COL5A1: variants seen among roughly 807,000 people sequenced by gnomAD.
The protein encoded by COL5A1 is collagen alpha-1(V) chain.
Under a neutral mutation model 263.7 loss-of-function variants are expected in COL5A1, and 16 were observed. The ratio of observed to expected loss-of-function variants is 0.06; its 90% CI spans 0.04 to 0.09. COL5A1 has a LOEUF of 0.09. Among genes scored for constraint, COL5A1 ranks in the 10% least tolerant of loss-of-function variants. The probability of loss-of-function intolerance (pLI) is 1.00; values close to 1 mark genes in which losing one functional copy is unlikely to be tolerated. For missense variants in COL5A1, 2,036 were observed against 2,540.5 expected, an observed-to-expected ratio of 0.80 and a Z score of 4.27; for synonymous variants, 1,012 against 1,004.5, an observed-to-expected ratio of 1.01 and a Z score of -0.14.
In COL5A1 at chr9:134,780,050, A is replaced by G. The variant is rs373340441; in HGVS notation, c.2386-52A>G. ...CTTGACACGCCTGCGACAGCTCTAG[A>G]AAGGCTGAGACTTGTAACCATTCAC... is the stretch of plus-strand genomic sequence containing the variant. On this transcript the variant is annotated intron_variant, in intron 27 of 65. Coordinates refer to ENST00000371817, the MANE Select transcript of COL5A1 (RefSeq NM_000093.5). 4.4e-6 allele frequency: 7 copies of G among 1,607,170 alleles called. No homozygotes were observed. In the African/African-American group the frequency reaches 8.0e-5, roughly 18 times the overall value.
Position 134,841,529 on chromosome 9 carries a change from T to C in COL5A1, c.5371-628T>C, listed in dbSNP as rs57128334. 6.6e-6 allele frequency among the ~76,000 whole-genome samples: 1 copy of C among 152,228 alleles called. No individual in the cohort carries two copies. Among genetic ancestry groups the C allele is most frequent in the East Asian group, 1.9e-4 (1 of 5,166 alleles). On this transcript the variant is annotated intron_variant, in intron 65 of 65. Transcript: ENST00000371817. The surrounding 1 kb of genome is among the most constrained non-coding windows in gnomAD (Gnocchi z 4.8). ...CAGGTTCATTGCACTACCCCTGCCC[T>C]CTGTGCCTCAGTTTACCTAAGACTC...
chr9:134,812,757 GGA>G lies in COL5A1; in HGVS notation c.3852+47_3852+48del, dbSNP rs761727852. ...TGGTGGCAGATTTGCGGTTGTTTGA[GGA>G]GTGTGTGTGTGTGTCTGTGTGTGTG... is the stretch of plus-strand genomic sequence containing the variant. On this transcript the variant is annotated intron_variant, in intron 48 of 65. Coordinates refer to ENST00000371817, the MANE Select transcript of COL5A1 (RefSeq NM_000093.5). 115,151 of 1,284,246 alleles carry G rather than the reference GGA, an allele frequency of 0.09. 5,977 individuals carry two copies. Among genetic ancestry groups the G allele is most frequent in the African/African-American group, 0.18 (11,587 of 63,122 alleles). The allele number at this position is 1,284,246 out of a possible 1,614,324, so 79.6% of individuals were successfully genotyped here.
chr9:134,718,206 C>A (rs1834338632), intron 4 of COL5A1, among the ~76,000 whole-genome samples: 1 of 152,228 alleles, frequency 6.6e-6, no homozygotes, highest in Non-Finnish European at 1.5e-5. Context: ...CTGCCAGAGC[C>A]AAGGACAACA....
At position 134,842,132 on chromosome 9, in the gene COL5A1, G is replaced by A. The variant is rs369344741; in HGVS notation, c.5371-25G>A. The A allele has an allele frequency of 1.3e-5, 21 of 1,613,852 alleles. No individual in the cohort carries two copies. Among genetic ancestry groups the A allele is most frequent in the East Asian group, 6.7e-5 (3 of 44,878 alleles). ...AGACCCCCAACTGTTCTTAACCACC[G>A]GCCATCTGTCTCCCTCTTCCCCAGA... On this transcript the variant is annotated intron_variant, in intron 65 of 65. Transcript: ENST00000371817. The surrounding 1 kb of genome is among the most constrained non-coding windows in gnomAD (Gnocchi z 5.8).
chr9:134,798,486 C>T (rs530777170), intron 37 of COL5A1, 25 bp downstream of exon 37: 132 of 1,612,726 alleles, frequency 8.2e-5, no homozygotes, highest in Admixed American at 4.5e-4. Flanking sequence ...TGCTGGGGGA[C>T]GTGGCTGGCT....
chr9:134,824,884 C>T, intron 62 of COL5A1, 29 bp downstream of exon 62: 2 of 1,595,174 alleles, frequency 1.3e-6, no homozygotes, highest in Non-Finnish European at 1.7e-6. Flanking sequence ...AGGGGTGGCC[C>T]CCCAAAGCGG....
intron 61 of COL5A1, among the ~76,000 whole-genome samples, 184 bp from the exon 62 acceptor site, chr9:134,824,416 G>C (rs1309478515): frequency 2.0e-5 from 3 of 152,242 alleles, no homozygotes; most frequent in Non-Finnish European, 4.4e-5. Context: ...GATGGGTGTG[G>C]AATGTTCCAG....
chr9:134,715,355 C>T (rs1398482844), intron 4 of COL5A1, among the ~76,000 whole-genome samples: 1 of 152,164 alleles, frequency 6.6e-6, no homozygotes, highest in Admixed American at 6.5e-5. Context: ...ATATACAATC[C>T]GGTTTTACAC....
At position 134,699,986 on chromosome 9, in the gene COL5A1, A is replaced by G. The variant is rs955116478; in HGVS notation, c.355A>G (p.Ile119Val). The change falls in exon 3 of 66, where the codon ATC becomes GTC. Residue 119 changes from isoleucine to valine, a missense_variant. By Grantham distance (29) the Ile-to-Val change is conservative. Around this residue, in one of 3 missense-constraint regions of COL5A1, gnomAD observed 600 missense variants for 634.5 expected, o/e 0.95. Coordinates refer to ENST00000371817, the MANE Select transcript of COL5A1 (RefSeq NM_000093.5). ...AGGCAGCCAGGCCTTCCTGGTCTCC[A>G]TCTACAACGAGCAGGGTATCCAGCA... ...KKGSQAFLVSIYNEQGIQQIG... is the reference protein window; with the variant it reads ...KKGSQAFLVSVYNEQGIQQIG... The G allele has an allele frequency of 6.2e-7, 1 of 1,613,736 alleles. No homozygotes were observed. The highest frequency in any genetic ancestry group is 8.5e-7 in the Non-Finnish European group (1 of 1,180,032).
chr9:134,694,385 T>C (rs1833388754), intron 2 of COL5A1, among the ~76,000 whole-genome samples: 1 of 152,198 alleles, frequency 6.6e-6, no homozygotes, highest in Non-Finnish European at 1.5e-5. Flanking sequence ...GGGCACGAAC[T>C]GGCAGAGTGA....
chr9:134,662,897 C>T (rs769554831), intron 1 of COL5A1, among the ~76,000 whole-genome samples: 33 of 152,346 alleles, frequency 2.2e-4, no homozygotes, highest in Admixed American at 3.3e-4. Context: ...ATAGTAGAAC[C>T]TCATCTGCCT....
At chr9:134,769,892 T>G (rs976988821) in intron 25 of COL5A1, among the ~76,000 whole-genome samples, 4 of 152,102 alleles carry the variant, frequency 2.6e-5, no homozygotes, top group Non-Finnish European at 4.4e-5. Flanking sequence ...GATCATTCTC[T>G]CGGCCCTCAG....
chr9:134,775,569 G>C (rs1199114532), intron 27 of COL5A1, among the ~76,000 whole-genome samples: 1 of 152,232 alleles, frequency 6.6e-6, no homozygotes, highest in Non-Finnish European at 1.5e-5. Flanking sequence ...TTTGCTCTGA[G>C]CTGGGTAATG....
At chr9:134,735,466 T>A (rs1835064515) in intron 9 of COL5A1, among the ~76,000 whole-genome samples, 1 of 142,472 alleles carries the variant, frequency 7.0e-6, no homozygotes, top group South Asian at 2.5e-4. Flanking sequence ...GTGGCGTCCG[T>A]GGTTGGGTGG....
chr9:134,782,732 A>G lies in COL5A1; in HGVS notation c.2484+12A>G, dbSNP rs190376083. On this transcript the variant is annotated intron_variant, in intron 29 of 65. Transcript: ENST00000371817. ...TCAAGGGTGATCGGGTGAGCATCTC[A>G]GGTTTGGGATTTGGGCTGGGGAAAG... 11 of 1,462,478 alleles carry G rather than the reference A, an allele frequency of 7.5e-6. No individual in the cohort carries two copies. In the Admixed American group the frequency reaches 2.0e-4, roughly 26 times the overall value. 90.6% of individuals were successfully genotyped at this position (1,462,478 alleles called of 1,614,324 possible). A position where few individuals can be genotyped will look rare whatever the true frequency, so the allele number is the denominator to read the frequency against.
chr9:134,682,373 G>A lies in COL5A1; in HGVS notation c.110-8539G>A, dbSNP rs953807569. ...TTCCTTTAGCCACCACAGCGGGCAT[G>A]GGGAGGGGACTGTGCGGGTGAACAT... is the stretch of plus-strand genomic sequence containing the variant. On this transcript the variant is annotated intron_variant, in intron 1 of 65. Coordinates refer to ENST00000371817, the MANE Select transcript of COL5A1 (RefSeq NM_000093.5). This position sits in a 1 kb window ranked among gnomAD's most constrained non-coding sequence, Gnocchi z 5.1. Among the ~76,000 whole-genome samples the A allele has an allele frequency of 6.6e-6, 1 of 152,218 alleles. No homozygotes were observed. Among genetic ancestry groups the A allele is most frequent in the African/African-American group, 2.4e-5 (1 of 41,452 alleles).
chr9:134,676,749 G>GGTTTGTTC lies in COL5A1; in HGVS notation c.110-14162_110-14155dup, dbSNP rs778570570. ...ATTGTTCACTTATTGTCCCTTAGTTGGTTTGTTCATTTGTTCCTTCATTTG... is the reference window on the plus strand; with the variant it reads ...ATTGTTCACTTATTGTCCCTTAGTTGGTTTGTTCGTTTGTTCATTTGTTCCTTCATTTG... On this transcript the variant is annotated intron_variant, in intron 1 of 65. Coordinates refer to ENST00000371817, the MANE Select transcript of COL5A1 (RefSeq NM_000093.5). Among the ~76,000 whole-genome samples, 13 of 152,328 alleles carry GGTTTGTTC rather than the reference G, an allele frequency of 8.5e-5. No homozygotes were observed. In the South Asian group the frequency reaches 1.7e-3, roughly 19 times the overall value.
At chr9:134,806,075 C>T in intron 41 of COL5A1, 114 bp from the exon 42 acceptor site, 1 of 786,738 alleles carries the variant, frequency 1.3e-6, no homozygotes, top group East Asian at 2.7e-5. Flanking sequence ...CATAGGGAGC[C>T]ACTGTGGGCT....
rs752893571 is a variant in COL5A1 at position 134,820,100 on chromosome 9, C to T, written c.4447-16C>T. 4 of 1,607,400 alleles carry T rather than the reference C, an allele frequency of 2.5e-6. No homozygotes were observed. The highest frequency in any genetic ancestry group is 3.4e-6 in the Non-Finnish European group (4 of 1,174,200). ...GGCTCCCTCAAATGCCCCTTCCTGT[C>T]TTCATTTTCCCACAGGGTCATCCAG... On this transcript the variant is annotated splice_polypyrimidine_tract_variant and intron_variant, in intron 57 of 65. Coordinates refer to ENST00000371817, the MANE Select transcript of COL5A1 (RefSeq NM_000093.5).
Sources: allele counts gnomAD v4.1 joint callset (sites outside exome capture counted in the v4.1 genomes callset), GRCh38; gene constraint gnomAD v4.1.1; regional missense constraint gnomAD v4.1.1; non-coding constraint Gnocchi (gnomAD v3.1); transcripts MANE v1.5; gene names NCBI Gene and HGNC (gene_info 2026-07-23, HGNC 2026-07-21).